Variants in EVI5 observed in about 807,000 individuals in gnomAD.
EVI5 encodes ecotropic viral integration site 5 protein homolog.
EVI5 carries 73 observed loss-of-function variants against 112.0 expected under a neutral mutation model. The observed-to-expected ratio is 0.65, with a 90% CI of 0.54 to 0.79. The LOEUF (loss-of-function observed/expected upper bound fraction) is 0.79. Ranked by LOEUF, EVI5 falls within the 30% of genes least tolerant of loss-of-function variation. The probability of loss-of-function intolerance (pLI) is 0.00; values close to 1 mark genes in which losing one functional copy is unlikely to be tolerated. For synonymous variants in EVI5, 305 were observed against 319.9 expected (o/e 0.95, Z 0.50); for missense variants, 900 against 968.8 (o/e 0.93, Z 0.94).
chr1:92,636,292 T>A lies in EVI5; in HGVS notation c.1437A>T (p.Leu479=). 6.2e-7 allele frequency: 1 copy of A among 1,613,644 alleles called. No individual in the cohort carries two copies. The highest frequency in any genetic ancestry group is 8.5e-7 in the Non-Finnish European group (1 of 1,179,532). ...SNYNEDFVLQ[L]EKELVQARLS... is the part of the protein sequence containing the mutation. ...GTCGGGCTTGGACCAATTCCTTCTC[T>A]AGCTGTAGCACAAAATCTTCGTTGT... The change falls in exon 14 of 20, where the codon CTA becomes CTT. Residue 479 remains leucine, a synonymous_variant. Coordinates refer to ENST00000684568, the MANE Select transcript of EVI5 (RefSeq NM_001350197.2).
chr1:92,592,736 A>G (rs1674190291), intron 18 of EVI5, among the ~76,000 whole-genome samples: 1 of 152,194 alleles, frequency 6.6e-6, no homozygotes, highest in Admixed American at 6.5e-5. Flanking sequence ...GATAAAGGGG[A>G]TATCACCACC....
At chr1:92,719,896 G>A (rs1674441505) in intron 2 of EVI5, among the ~76,000 whole-genome samples, 1 of 151,864 alleles carries the variant, frequency 6.6e-6, no homozygotes, top group Non-Finnish European at 1.5e-5. Flanking sequence ...ATAACAGACA[G>A]CCAAATTATG....
chr1:92,628,036 C>G (rs888165406), intron 14 of EVI5, among the ~76,000 whole-genome samples: 5 of 152,202 alleles, frequency 3.3e-5, no homozygotes, highest in African/African-American at 4.8e-5. Flanking sequence ...GATCCACCAA[C>G]CTCGGCCTCC....
intron 1 of EVI5, among the ~76,000 whole-genome samples, chr1:92,770,446 A>G (rs913799754): frequency 2.0e-5 from 3 of 152,238 alleles, no homozygotes; most frequent in African/African-American, 7.2e-5. Context: ...TTTATTCCAT[A>G]AAGTATAACT....
Position 92,693,879 on chromosome 1 carries a change from T to G in EVI5, c.1020A>C (p.Pro340=), listed in dbSNP as rs201045086. The change falls in exon 9 of 20, where the codon CCA becomes CCC. Residue 340 remains proline (P), a synonymous_variant. Coordinates refer to ENST00000684568, the MANE Select transcript of EVI5 (RefSeq NM_001350197.2). ...TGTCTGGGACACCATCAAACTGATG[T>G]GGAATGACCTTTTGAAAGTGCTAAG... ...GMLQHFQKVI[P]HQFDGVPDKL... is the part of the protein sequence containing the mutation. 7.5e-6 allele frequency: 12 copies of G among 1,597,930 alleles called. No homozygotes were observed. The African/African-American group carries it at 1.5e-4, about 20-fold the overall frequency.
At chr1:92,518,109 G>A (rs1475492958) in intron 19 of EVI5, among the ~76,000 whole-genome samples, 1 of 151,984 alleles carries the variant, frequency 6.6e-6, no homozygotes, top group African/African-American at 2.4e-5. Context: ...TTGTTGCCCA[G>A]CTGGTCTTGA....
chr1:92,610,960 G>A (rs1047650854), intron 16 of EVI5, among the ~76,000 whole-genome samples: 1 of 150,624 alleles, frequency 6.6e-6, no homozygotes, highest in Non-Finnish European at 1.5e-5. Context: ...GGTTGGGGGA[G>A]GGGGGAGGGA....
At chr1:92,582,845 T>C (rs1051488179) in intron 18 of EVI5, among the ~76,000 whole-genome samples, 1 of 152,094 alleles carries the variant, frequency 6.6e-6, no homozygotes, top group Non-Finnish European at 1.5e-5. Context: ...TCATAAAGAA[T>C]AAAAAGTGAA....
At chr1:92,727,473 T>C (rs1675750236) in intron 2 of EVI5, among the ~76,000 whole-genome samples, 1 of 152,206 alleles carries the variant, frequency 6.6e-6, no homozygotes, top group Non-Finnish European at 1.5e-5. Flanking sequence ...GTATTTCAAC[T>C]AGATCTCTTT....
intron 18 of EVI5, among the ~76,000 whole-genome samples, chr1:92,589,320 C>T (rs1290200121): frequency 1.3e-5 from 2 of 152,176 alleles, no homozygotes; most frequent in South Asian, 2.1e-4. Flanking sequence ...GACGAGGCAT[C>T]ACCTCACCAG....
At chr1:92,682,740 CA>C (rs201959523) in intron 9 of EVI5, among the ~76,000 whole-genome samples, 1 of 150,436 alleles carries the variant, frequency 6.6e-6, no homozygotes, top group African/African-American at 2.4e-5. Context: ...GACTTCGTCT[CA>C]AAAAAAAAGA....
At chr1:92,570,181 A>G (rs1352523244) in intron 18 of EVI5, among the ~76,000 whole-genome samples, 2 of 152,252 alleles carry the variant, frequency 1.3e-5, no homozygotes, top group African/African-American at 2.4e-5. Context: ...TCCAAATCCC[A>G]TATGTGACAT....
At chr1:92,675,334 G>C (rs1056032849) in intron 10 of EVI5, among the ~76,000 whole-genome samples, 1 of 152,198 alleles carries the variant, frequency 6.6e-6, no homozygotes, top group Non-Finnish European at 1.5e-5. Flanking sequence ...GACAGAGGGA[G>C]ACCCTGTCTA....
chr1:92,551,202 C>T (rs750659569), intron 19 of EVI5, among the ~76,000 whole-genome samples: 8 of 151,666 alleles, frequency 5.3e-5, no homozygotes, highest in Non-Finnish European at 8.8e-5. Flanking sequence ...CCACCACACC[C>T]AGCTAATTTT....
chr1:92,551,043 T>TTTG (rs1553178848), intron 19 of EVI5, among the ~76,000 whole-genome samples: 1 of 86,262 alleles, frequency 1.2e-5, no homozygotes, highest in Non-Finnish European at 2.5e-5. Flanking sequence ...TTTCTTTCTT[T>TTTG]TTTTTTTTTT....
chr1:92,559,310 T>A (rs762629355), intron 19 of EVI5, among the ~76,000 whole-genome samples: 3 of 152,204 alleles, frequency 2.0e-5, no homozygotes, highest in Non-Finnish European at 2.9e-5. Flanking sequence ...CCAATTGCAA[T>A]CTGACCTCAC....
intron 14 of EVI5, among the ~76,000 whole-genome samples, chr1:92,630,035 T>C (rs554944228): frequency 3.3e-5 from 5 of 152,292 alleles, no homozygotes; most frequent in Non-Finnish European, 5.9e-5. Flanking sequence ...CCATGGTGTA[T>C]ATGTGCCACA....
At chr1:92,590,990 A>T (rs1468765729) in intron 18 of EVI5, among the ~76,000 whole-genome samples, 1 of 152,224 alleles carries the variant, frequency 6.6e-6, no homozygotes, top group Admixed American at 6.5e-5. Context: ...TTTTCAACCC[A>T]GAATTTCATA....
At chr1:92,515,586 T>C (rs374097629) in intron 19 of EVI5, among the ~76,000 whole-genome samples, 3 of 152,236 alleles carry the variant, frequency 2.0e-5, no homozygotes, top group African/African-American at 7.2e-5. Context: ...ATATCTACTC[T>C]GACTATTAAG....
Sources: allele counts gnomAD v4.1 joint callset (sites outside exome capture counted in the v4.1 genomes callset), GRCh38; gene constraint gnomAD v4.1.1; transcripts MANE v1.5; gene names NCBI Gene and HGNC (gene_info 2026-07-23, HGNC 2026-07-21).